The following TGIF1 variants were observed in gnomAD, a reference collection of about 807,000 sequenced individuals.
TGIF1 encodes TGFB induced factor homeobox 1, also known as homeobox protein TGIF1.
In TGIF1, 4 loss-of-function variants were observed where a neutral mutation model predicts 19.3. The observed-to-expected ratio is 0.21, with a 90% CI of 0.10 to 0.47. The LOEUF is 0.47. Ranked by LOEUF, TGIF1 falls within the 20% of genes least tolerant of loss-of-function variation. The pLI, the probability that TGIF1 is intolerant of heterozygous loss-of-function variation, is 0.98. For synonymous variants in TGIF1, 122 were observed against 129.3 expected (o/e 0.94, Z 0.38); for missense variants, 275 against 341.4 (o/e 0.81, Z 1.53).
At chr18:3,449,632 A>G (rs949673568), upstream of TGIF1, 12 of 984,290 alleles carry the variant, frequency 1.2e-5, no homozygotes, top group Middle Eastern at 5.2e-4. Flanking sequence ...CCGCGTGTCA[A>G]TGGCAGCCGC....
rs1211050254 is a variant in TGIF1 at position 3,451,007 on chromosome 18, C to T, written c.16+502C>T. On this transcript the variant is annotated intron_variant, in intron 1 of 2. Transcript: ENST00000343820. The surrounding 1 kb of genome is among the most constrained non-coding windows in gnomAD (Gnocchi z 5.4). ...CGCCGCCCCCCTACTCCCAGCCGGG[C>T]CCTAGCACTGTTCTTTAGGGATGTG... Among the ~76,000 whole-genome samples the T allele has an allele frequency of 1.5e-5, 2 of 135,880 alleles. No individual in the cohort carries two copies. The highest frequency in any genetic ancestry group is 1.7e-4 in the Admixed American group (2 of 11,530). 89.1% of individuals were successfully genotyped at this position (135,880 alleles called of 152,430 possible).
chr18:3,449,680 T>A (rs931370674), upstream of TGIF1: 110 of 985,302 alleles, frequency 1.1e-4, no homozygotes, highest in African/African-American at 9.8e-4. Flanking sequence ...TCGAATACTT[T>A]TCCTCCCGTG....
intron 1 of TGIF1, chr18:3,452,217 GCCC>G (rs11571509): frequency 3.1e-6 from 5 of 1,605,128 alleles, no homozygotes; most frequent in Non-Finnish European, 4.3e-6. Context: ...GTCCTCCTGC[GCCC>G]CCCCTCCTCC....
upstream of TGIF1, among the ~76,000 whole-genome samples, chr18:3,446,881 G>T (rs1163414039): frequency 6.6e-6 from 1 of 152,192 alleles, no homozygotes; most frequent in East Asian, 1.9e-4. Context: ...ATGACTGGGT[G>T]AGTCACCCTT....
upstream of TGIF1, chr18:3,447,807 CAT>C (rs749724651): frequency 5.0e-6 from 8 of 1,614,052 alleles, no homozygotes; most frequent in African/African-American, 9.3e-5. Context: ...GGTGAGTTCA[CAT>C]CTCCGTTTTT....
rs1389406708 is a variant in TGIF1 at position 3,450,208 on chromosome 18, G to A, written c.-282G>A. On this transcript the variant is annotated 5_prime_UTR_variant, in exon 1 of 3. Coordinates refer to ENST00000343820, the MANE Select transcript of TGIF1 (RefSeq NM_003244.4). ...GCCGAGGTGCGCCGAGCAGGAGCAG[G>A]GAACAAAGGAGCGGAGAGGGGAGGG... The A allele has an allele frequency of 2.2e-6, 3 of 1,384,608 alleles. No individual in the cohort carries two copies. Among genetic ancestry groups the A allele is most frequent in the Admixed American group, 6.1e-5 (2 of 32,552 alleles). 85.8% of individuals were successfully genotyped at this position (1,384,608 alleles called of 1,614,324 possible).
chr18:3,437,981 G>T (rs1568037735), intron 2 of TGIF1, among the ~76,000 whole-genome samples: 1 of 152,058 alleles, frequency 6.6e-6, no homozygotes, highest in Non-Finnish European at 1.5e-5. Flanking sequence ...CCACTTGGGA[G>T]ACTGAGGCAG....
chr18:3,424,022 C>T (rs2082439592), intron 2 of TGIF1, among the ~76,000 whole-genome samples: 1 of 152,174 alleles, frequency 6.6e-6, no homozygotes. Flanking sequence ...CATTGTGGCG[C>T]TTCCGCAGCC....
intron 1 of TGIF1, chr18:3,453,675 A>C: frequency 2.0e-6 from 1 of 489,438 alleles, no homozygotes; most frequent in Non-Finnish European, 2.6e-6. Context: ...GACAAGAGCG[A>C]AACTCTGTCT....
chr18:3,428,394 A>G (rs1273295697), intron 2 of TGIF1, among the ~76,000 whole-genome samples: 1 of 152,038 alleles, frequency 6.6e-6, no homozygotes, highest in African/African-American at 2.4e-5. Context: ...CCATTTTTTC[A>G]TGAACATCAT....
chr18:3,425,355 C>T (rs1035185145), intron 2 of TGIF1, among the ~76,000 whole-genome samples: 1 of 152,156 alleles, frequency 6.6e-6, no homozygotes, highest in Non-Finnish European at 1.5e-5. Context: ...CTAAACTACC[C>T]TTGTAAAACT....
rs2049347648 is a variant in TGIF1, at chr18:3,456,193, T to C, written c.17-161T>C. The C allele has an allele frequency of 1.3e-6, 1 of 795,502 alleles. No individual in the cohort carries two copies. Among genetic ancestry groups the C allele is most frequent in the Non-Finnish European group, 2.2e-6 (1 of 453,866 alleles). The allele number at this position is 795,502 out of a possible 1,614,324, so 49.3% of individuals were successfully genotyped here. A position where few individuals can be genotyped will look rare whatever the true frequency, so the allele number is the denominator to read the frequency against. On this transcript the variant is annotated intron_variant, in intron 1 of 2. Transcript: ENST00000343820. The surrounding 1 kb of genome is among the most constrained non-coding windows in gnomAD (Gnocchi z 4.2). ...TCCTATGTGGTGCTAGTCAAACTAC[T>C]TTTACTTGGACCCTGAATTCAGGAC...
chr18:3,436,380 T>C (rs1286338123), intron 2 of TGIF1, among the ~76,000 whole-genome samples: 1 of 152,200 alleles, frequency 6.6e-6, no homozygotes, highest in Non-Finnish European at 1.5e-5. Context: ...ATAGTCAAAC[T>C]TTATCCAGCA....
chr18:3,452,332 A>T, intron 1 of TGIF1: 2 of 1,613,228 alleles, frequency 1.2e-6, no homozygotes, highest in Non-Finnish European at 1.7e-6. Context: ...TCCCCATCCC[A>T]GGGCGCACAG....
intron 1 of TGIF1, among the ~76,000 whole-genome samples, chr18:3,453,335 C>A (rs544314570): frequency 6.6e-6 from 1 of 152,268 alleles, no homozygotes; most frequent in South Asian, 2.1e-4. Flanking sequence ...TCTAGAGTCT[C>A]TTCACAACCG....
chr18:3,412,494 G>A (rs540853050), intron 1 of TGIF1, among the ~76,000 whole-genome samples: 10 of 152,170 alleles, frequency 6.6e-5, no homozygotes, highest in Non-Finnish European at 1.3e-4. Flanking sequence ...CTGCTACCTG[G>A]GAGGTGAAGA....
Position 3,456,332 on chromosome 18 carries a change from A to G in TGIF1, c.17-22A>G, listed in dbSNP as rs1466575475. 1 of 1,610,772 alleles carries G rather than the reference A, an allele frequency of 6.2e-7. No homozygotes were observed. Among genetic ancestry groups the G allele is most frequent in the South Asian group, 1.1e-5 (1 of 90,986 alleles). ...TGCTGTGCTTATAAAGCAACTGACA[A>G]CTGGCCCTTGTCCTTTCCTAGGTAT... On this transcript the variant is annotated intron_variant, in intron 1 of 2. Coordinates refer to ENST00000343820, the MANE Select transcript of TGIF1 (RefSeq NM_003244.4). This position sits in a 1 kb window ranked among gnomAD's most constrained non-coding sequence, Gnocchi z 4.2.
chr18:3,418,045 C>G (rs1474413902), intron 1 of TGIF1: 1 of 150,966 alleles, frequency 6.6e-6, no homozygotes, highest in African/African-American at 2.4e-5. Context: ...TTTTTTTCCT[C>G]TCCCCAAATT....
rs1315861554 is a variant in TGIF1 at position 3,457,392 on chromosome 18, C to T, written c.271C>T (p.Arg91Cys). The change falls in exon 3 of 3, where the codon CGC becomes TGC. Residue 91 changes from arginine to cysteine, a missense_variant. Physicochemically the swap from Arg to Cys is radical, Grantham distance 180 (BLOSUM62 -3). Transcript: ENST00000343820. This position sits in a 1 kb window ranked among gnomAD's most constrained non-coding sequence, Gnocchi z 4.9. ...CTGTAACTGGTTCATCAACGCCCGC[C>T]GCAGGCTCCTCCCTGACATGCTGAG... ...QVCNWFINAR[R>C]RLLPDMLRKD... 1.2e-6 allele frequency: 2 copies of T among 1,614,180 alleles called. No homozygotes were observed. The highest frequency in any genetic ancestry group is 1.7e-6 in the Non-Finnish European group (2 of 1,180,042).
Sources: gnomAD v4.1 joint callset for allele counts (sites outside exome capture counted in the v4.1 genomes callset) on GRCh38, gnomAD v4.1.1 for gene constraint, Gnocchi (gnomAD v3.1) non-coding constraint, MANE v1.5 for transcripts, NCBI Gene and HGNC (gene_info 2026-07-23, HGNC 2026-07-21) for gene names.